Variants in COL23A1 observed in about 807,000 individuals in gnomAD.
COL23A1 encodes the protein collagen alpha-1(XXIII) chain.
In COL23A1, 97 loss-of-function variants were observed where a neutral mutation model predicts 99.3. That is an observed-to-expected ratio of 0.98 (90% CI 0.83 to 1.16). The LOEUF (loss-of-function observed/expected upper bound fraction) is 1.16. COL23A1 is among the 50% of genes most tolerant of loss of function. The pLI is 0.00. For missense variants in COL23A1, 762 were observed against 757.4 expected, an observed-to-expected ratio of 1.01 and a Z score of -0.07; for synonymous variants, 320 against 308.2, an observed-to-expected ratio of 1.04 and a Z score of -0.40.
At chr5:178,572,716 C>T (rs569601694) in intron 1 of COL23A1, among the ~76,000 whole-genome samples, 1 of 152,216 alleles carries the variant, frequency 6.6e-6, no homozygotes, top group Non-Finnish European at 1.5e-5. Context: ...CGTACAGGGA[C>T]TGGCACGTGA....
chr5:178,546,936 G>C (rs1761614151), intron 2 of COL23A1, among the ~76,000 whole-genome samples: 1 of 152,276 alleles, frequency 6.6e-6, no homozygotes, highest in African/African-American at 2.4e-5. Flanking sequence ...GGAACACGGA[G>C]GAGGCACAGG....
chr5:178,270,325 G>A lies in COL23A1; in HGVS notation c.468+12C>T, dbSNP rs1756214395. ...GCCCAGGACCCCCTGGAATTGCCCT[G>A]TCATCACTTACGGGCTTGCCATCCA... On this transcript the variant is annotated intron_variant, in intron 6 of 28. Transcript: ENST00000390654. The A allele has an allele frequency of 1.9e-6, 3 of 1,613,844 alleles. No homozygotes were observed. Among genetic ancestry groups the A allele is most frequent in the South Asian group, 2.2e-5 (2 of 90,976 alleles).
At chr5:178,337,971 G>A (rs1581177519) in intron 2 of COL23A1, among the ~76,000 whole-genome samples, 1 of 152,114 alleles carries the variant, frequency 6.6e-6, no homozygotes, top group Non-Finnish European at 1.5e-5. Flanking sequence ...TGTTTTGCGT[G>A]TATCATTTCA....
chr5:178,562,291 G>C (rs1004261539), intron 1 of COL23A1: 2 of 290,800 alleles, frequency 6.9e-6, no homozygotes, highest in African/African-American at 4.5e-5. Flanking sequence ...GCCGGGCACA[G>C]TGGCTCGCTC....
intron 1 of COL23A1, among the ~76,000 whole-genome samples, chr5:178,564,418 T>G (rs1762749396): frequency 3.9e-5 from 6 of 152,196 alleles, no homozygotes; most frequent in Admixed American, 3.9e-4. Flanking sequence ...CTCTTTTTTT[T>G]TTTAATCCTA....
At chr5:178,412,508 C>G (rs778356945) in intron 2 of COL23A1, among the ~76,000 whole-genome samples, 2 of 152,164 alleles carry the variant, frequency 1.3e-5, no homozygotes, top group South Asian at 4.1e-4. Flanking sequence ...GTTCTACACA[C>G]AATGATTTTG....
At chr5:178,543,791 C>T (rs1254767355) in intron 2 of COL23A1, among the ~76,000 whole-genome samples, 2 of 152,160 alleles carry the variant, frequency 1.3e-5, no homozygotes, top group African/African-American at 4.8e-5. Context: ...GTGGGGGCTG[C>T]TCTAAGAAAA....
intron 2 of COL23A1, among the ~76,000 whole-genome samples, chr5:178,326,922 GC>G (rs2127638146): frequency 6.6e-6 from 1 of 152,320 alleles, no homozygotes; most frequent in East Asian, 1.9e-4. Context: ...GTTTCACCAT[GC>G]TGGTCAGGCT....
chr5:178,422,745 A>C (rs1018365571), intron 2 of COL23A1, among the ~76,000 whole-genome samples: 2 of 152,166 alleles, frequency 1.3e-5, no homozygotes, highest in African/African-American at 4.8e-5. Context: ...TGAAGACCCC[A>C]AACTGTCCCT....
intron 2 of COL23A1, among the ~76,000 whole-genome samples, chr5:178,338,275 C>T (rs78168131): frequency 0.02 from 3,012 of 152,304 alleles, 34 homozygotes; most frequent in South Asian, 0.041. Flanking sequence ...GGGACGGTGT[C>T]AGTCTCAGGG....
At chr5:178,341,413 C>T (rs1049918935) in intron 2 of COL23A1, among the ~76,000 whole-genome samples, 1 of 152,186 alleles carries the variant, frequency 6.6e-6, no homozygotes, top group African/African-American at 2.4e-5. Flanking sequence ...TGGCCCTCTC[C>T]CGGACCCCTG....
intron 2 of COL23A1, among the ~76,000 whole-genome samples, chr5:178,416,492 A>G (rs2127788398): frequency 6.6e-6 from 1 of 152,308 alleles, no homozygotes; most frequent in Non-Finnish European, 1.5e-5. Context: ...GGTGGGGCCC[A>G]GGAGGAGATG....
intron 8 of COL23A1, among the ~76,000 whole-genome samples, chr5:178,264,308 G>A (rs527320964): frequency 4.7e-5 from 7 of 149,710 alleles, no homozygotes; most frequent in East Asian, 2.0e-4. Flanking sequence ...ACAATTACAT[G>A]TAAATCTACA....
At chr5:178,358,557 CGTGT>C (rs560494429) in intron 2 of COL23A1, among the ~76,000 whole-genome samples, 256 of 124,380 alleles carry the variant, frequency 2.1e-3, no homozygotes, top group African/African-American at 6.6e-3. Context: ...TGTATGTGTA[CGTGT>C]GTATGTCTAA....
chr5:178,360,895 C>G (rs1762140997), intron 2 of COL23A1, among the ~76,000 whole-genome samples: 1 of 151,552 alleles, frequency 6.6e-6, no homozygotes, highest in Non-Finnish European at 1.5e-5. Context: ...GGGGCTTAAC[C>G]TCGAGCAGCT....
intron 2 of COL23A1, among the ~76,000 whole-genome samples, chr5:178,493,485 C>G (rs940997829): frequency 6.6e-6 from 1 of 152,224 alleles, no homozygotes; most frequent in African/African-American, 2.4e-5. Context: ...CAGCCTCATT[C>G]ACAGAGTTCT....
chr5:178,516,626 G>A (rs1046130438), intron 2 of COL23A1, among the ~76,000 whole-genome samples: 1 of 152,174 alleles, frequency 6.6e-6, no homozygotes, highest in Non-Finnish European at 1.5e-5. Flanking sequence ...CTCTTTCCAC[G>A]TACTGTTTGG....
At chr5:178,414,403 CT>C (rs34214158) in intron 2 of COL23A1, among the ~76,000 whole-genome samples, 29 of 80,874 alleles carry the variant, frequency 3.6e-4, no homozygotes, top group East Asian at 2.2e-3. Flanking sequence ...TACAAATATC[CT>C]TTTTTTAAAA....
At chr5:178,319,995 G>C (rs1428556323) in intron 2 of COL23A1, among the ~76,000 whole-genome samples, 1 of 152,196 alleles carries the variant, frequency 6.6e-6, no homozygotes, top group Admixed American at 6.5e-5. Flanking sequence ...GCTTCCCTCT[G>C]TCCAGGGCTC....
Sources: allele counts gnomAD v4.1 joint callset (sites outside exome capture counted in the v4.1 genomes callset), GRCh38; gene constraint gnomAD v4.1.1; transcripts MANE v1.5; gene names NCBI Gene and HGNC (gene_info 2026-07-23, HGNC 2026-07-21).